Variants in SMAD2 observed in about 807,000 individuals in gnomAD.
SMAD2 encodes the protein SMAD family member 2, also known as MAD homolog 2.
A neutral mutation model predicts 64.4 loss-of-function variants in SMAD2; 8 were observed. The ratio of observed to expected loss-of-function variants is 0.12; its 90% confidence interval spans 0.07 to 0.22. The LOEUF (loss-of-function observed/expected upper bound fraction) is 0.22. SMAD2 is among the 10% of genes least tolerant of loss of function. SMAD2 has a pLI of 1.00. For missense variants in SMAD2, 289 were observed against 561.2 expected (o/e 0.51, Z 4.90); for synonymous variants, 203 against 195.8 (o/e 1.04, Z -0.31).
At chr18:47,882,085 T>C (rs2032637781) in intron 2 of SMAD2, among the ~76,000 whole-genome samples, 2 of 139,836 alleles carry the variant, frequency 1.4e-5, no homozygotes, top group South Asian at 2.5e-4. Context: ...CAGAGTCTTA[T>C]GTTGCCTAGG....
At chr18:47,864,756 T>C (rs1598795238) in intron 6 of SMAD2, among the ~76,000 whole-genome samples, 1 of 152,284 alleles carries the variant, frequency 6.6e-6, no homozygotes, top group Non-Finnish European at 1.5e-5. Flanking sequence ...AGTCATAGGG[T>C]TACTAAAATT....
rs1473398203 is a variant in SMAD2, at chr18:47,837,382, G to T, written c.*4445C>A. On this transcript the variant is annotated 3_prime_UTR_variant, in exon 11 of 11. Transcript: ENST00000262160. ...TCGAGACCATCCTGGCCAACACGGT[G>T]AAACCCCGTCTCTACTAAAAATACA... 1 of 191,138 alleles carries T rather than the reference G, an allele frequency of 5.2e-6. No homozygotes were observed. Among genetic ancestry groups the T allele is most frequent in the East Asian group, 8.4e-5 (1 of 11,956 alleles). The allele number at this position is 191,138 out of a possible 1,614,324, so 11.8% of individuals were successfully genotyped here. A position where few individuals can be genotyped will look rare whatever the true frequency, so the allele number is the denominator to read the frequency against.
chr18:47,908,148 G>T (rs1334847821), intron 1 of SMAD2, among the ~76,000 whole-genome samples: 3 of 152,190 alleles, frequency 2.0e-5, no homozygotes, highest in Non-Finnish European at 4.4e-5. Context: ...AGTGACCAAA[G>T]ATGTAAGCTT....
intron 1 of SMAD2, among the ~76,000 whole-genome samples, chr18:47,913,082 G>A (rs1471024550): frequency 1.3e-5 from 2 of 152,040 alleles, no homozygotes; most frequent in African/African-American, 2.4e-5. Flanking sequence ...AACACGCTCG[G>A]CTAATTTTTT....
At chr18:47,877,345 A>G (rs1401080945) in intron 2 of SMAD2, among the ~76,000 whole-genome samples, 1 of 152,104 alleles carries the variant, frequency 6.6e-6, no homozygotes, top group South Asian at 2.1e-4. Flanking sequence ...CTTCTAGGGG[A>G]GTAATCTGTA....
intron 1 of SMAD2, among the ~76,000 whole-genome samples, chr18:47,912,986 C>T (rs1398857502): frequency 1.3e-5 from 2 of 151,602 alleles, no homozygotes; most frequent in Non-Finnish European, 1.5e-5. Context: ...ATGGCGTGAC[C>T]TCAGCTCACT....
At chr18:47,925,929 T>C (rs1393811372) in intron 1 of SMAD2, among the ~76,000 whole-genome samples, 3 of 152,238 alleles carry the variant, frequency 2.0e-5, no homozygotes, top group African/African-American at 7.2e-5. Context: ...CTATCCACTC[T>C]TGCTTTATCC....
chr18:47,884,536 C>T (rs1568081636), intron 2 of SMAD2, among the ~76,000 whole-genome samples: 2 of 152,060 alleles, frequency 1.3e-5, no homozygotes, highest in South Asian at 2.1e-4. Flanking sequence ...GGTATAATAT[C>T]CCAGGTATGT....
intron 1 of SMAD2, among the ~76,000 whole-genome samples, chr18:47,928,931 G>T (rs930418937): frequency 3.9e-5 from 6 of 152,250 alleles, no homozygotes; most frequent in African/African-American, 1.4e-4. Context: ...AATGCCGAAA[G>T]ATGTGAACTA....
At chr18:47,855,858 T>C (rs1260633436) in intron 6 of SMAD2, among the ~76,000 whole-genome samples, 1 of 152,166 alleles carries the variant, frequency 6.6e-6, no homozygotes, top group Non-Finnish European at 1.5e-5. Context: ...CTGCAAACTT[T>C]CTGCTGAAAA....
chr18:47,826,547 T>C lies in SMAD2; in HGVS notation c.*15280A>G, dbSNP rs889790914. On this transcript the variant is annotated 3_prime_UTR_variant, in exon 11 of 11. Transcript: ENST00000262160. Reference sequence around the variant, plus strand: ...TGTTTAATGGAGGATAGGAGGCATGTGGAAAAATGCCAAGTCCTTCCAGGT... The same window carrying C: ...TGTTTAATGGAGGATAGGAGGCATGCGGAAAAATGCCAAGTCCTTCCAGGT... 6.6e-6 allele frequency: 1 copy of C among 152,202 alleles called. No homozygotes were observed. The highest frequency in any genetic ancestry group is 1.5e-5 in the Non-Finnish European group (1 of 68,040). 9.4% of individuals were successfully genotyped at this position (152,202 alleles called of 1,614,324 possible). A position where few individuals can be genotyped will look rare whatever the true frequency, so the allele number is the denominator to read the frequency against.
In SMAD2 at chr18:47,827,943, C is replaced by A. The variant is rs561437050; in HGVS notation, c.*13884G>T. ...GGAGCATCTCTGCCTGGCTGCCCAT[C>A]GTCTGGGATGTGAGGAGCCCCTCAG... On this transcript the variant is annotated 3_prime_UTR_variant, in exon 11 of 11. Coordinates refer to ENST00000262160, the MANE Select transcript of SMAD2 (RefSeq NM_005901.6). The A allele has an allele frequency of 8.9e-4, 155 of 173,264 alleles. 1 individual carries two copies. Among genetic ancestry groups the A allele is most frequent in the African/African-American group, 3.6e-3 (148 of 41,690 alleles). 10.7% of individuals were successfully genotyped at this position (173,264 alleles called of 1,614,324 possible).
Position 47,841,895 on chromosome 18 carries a change from G to A in SMAD2, c.1336C>T (p.Leu446=), listed in dbSNP as rs2144276591. 6.2e-7 allele frequency: 1 copy of A among 1,614,012 alleles called. No individual in the cohort carries two copies. Among genetic ancestry groups the A allele is most frequent in the Middle Eastern group, 1.6e-4 (1 of 6,062 alleles). ...CWIELHLNGP[L]QWLDKVLTQM... ...GTTAATACTTTGTCCAACCACTGTA[G>A]AGGTCCATTCAGATGAAGTTCAATC... Residue 446 remains leucine (L), a synonymous_variant, in exon 11 of 11, where the codon CTA becomes TTA. Coordinates refer to ENST00000262160, the MANE Select transcript of SMAD2 (RefSeq NM_005901.6).
rs1912528954 is a variant in SMAD2, at chr18:47,820,447, G to A, written c.*21380C>T. The A allele has an allele frequency of 2.0e-5, 3 of 152,170 alleles. No homozygotes were observed. The highest frequency in any genetic ancestry group is 2.0e-4 in the Admixed American group (3 of 15,280). 9.4% of individuals were successfully genotyped at this position (152,170 alleles called of 1,614,324 possible). A position where few individuals can be genotyped will look rare whatever the true frequency, so the allele number is the denominator to read the frequency against. On this transcript the variant is annotated 3_prime_UTR_variant, in exon 11 of 11. Coordinates refer to ENST00000262160, the MANE Select transcript of SMAD2 (RefSeq NM_005901.6). ...GGGAAAAAAGTTGTTTAAATTCAGA[G>A]TTTATTAGAGGTTGTTTCAAATATG...
At chr18:47,862,169 A>G (rs1172389294) in intron 6 of SMAD2, among the ~76,000 whole-genome samples, 1 of 152,302 alleles carries the variant, frequency 6.6e-6, no homozygotes, top group African/African-American at 2.4e-5. Context: ...TTCAATTTCT[A>G]ATTTTTGTAT....
In SMAD2 at chr18:47,840,282, A is replaced by ACGAC. The variant is rs749735072; in HGVS notation, c.*1541_*1544dup. ...CAAAAATATGAAAATTTATGAAAAG[A>ACGAC]CGACCAGGAGTGGTTATTTTCCATT... is the stretch of plus-strand genomic sequence containing the variant. On this transcript the variant is annotated 3_prime_UTR_variant, in exon 11 of 11. Transcript: ENST00000262160. 45 of 233,070 alleles carry ACGAC rather than the reference A, an allele frequency of 1.9e-4. No individual in the cohort carries two copies. Among genetic ancestry groups the ACGAC allele is most frequent in the Non-Finnish European group, 3.2e-4 (38 of 117,882 alleles). The allele number at this position is 233,070 out of a possible 1,614,324, so 14.4% of individuals were successfully genotyped here.
chr18:47,870,916 AGTT>A (rs1296414708), intron 2 of SMAD2, among the ~76,000 whole-genome samples: 1 of 152,190 alleles, frequency 6.6e-6, no homozygotes, highest in Admixed American at 6.5e-5. Context: ...TTTATAATCC[AGTT>A]TTTTAAAAAA....
In SMAD2 at chr18:47,815,112, A is replaced by C. The variant is rs767747147; in HGVS notation, c.*26715T>G. ...CACCTGGAGATGACTGTTCTCACCC[A>C]CTAGATGCCATCATGAGGAAGAAGC... On this transcript the variant is annotated 3_prime_UTR_variant, in exon 11 of 11. Coordinates refer to ENST00000262160, the MANE Select transcript of SMAD2 (RefSeq NM_005901.6). 6.6e-6 allele frequency: 1 copy of C among 152,242 alleles called. No individual in the cohort carries two copies. The highest frequency in any genetic ancestry group is 1.5e-5 in the Non-Finnish European group (1 of 68,082). The allele number at this position is 152,242 out of a possible 1,614,324, so 9.4% of individuals were successfully genotyped here.
At chr18:47,894,278 C>A (rs1406595636) in intron 2 of SMAD2, among the ~76,000 whole-genome samples, 1 of 152,188 alleles carries the variant, frequency 6.6e-6, no homozygotes, top group Non-Finnish European at 1.5e-5. Context: ...ACCAGTCTCC[C>A]GGCCTCCATT....
Sources: gnomAD v4.1 joint callset for allele counts (sites outside exome capture counted in the v4.1 genomes callset) on GRCh38, gnomAD v4.1.1 for gene constraint, MANE v1.5 for transcripts, NCBI Gene and HGNC (gene_info 2026-07-23, HGNC 2026-07-21) for gene names.